Variants in CCDC148 observed in about 807,000 individuals in gnomAD.
CCDC148 encodes the protein coiled-coil domain containing 148, also known as coiled-coil domain-containing protein 148.
Under a neutral mutation model 85.7 loss-of-function variants are expected in CCDC148, and 89 were observed. The observed-to-expected ratio is 1.04, with a 90% CI of 0.87 to 1.24. The LOEUF is 1.24. Ranked by LOEUF, CCDC148 falls within the 50% of genes most tolerant of loss-of-function variation. The pLI is 0.00. For synonymous variants in CCDC148, 230 were observed against 213.9 expected (o/e 1.08, Z -0.66); for missense variants, 692 against 671.7 (o/e 1.03, Z -0.33).
chr2:158,337,581 T>TA (rs775078648), intron 7 of CCDC148, among the ~76,000 whole-genome samples: 1 of 152,118 alleles, frequency 6.6e-6, no homozygotes, highest in Non-Finnish European at 1.5e-5. Context: ...TTCTCAGCTT[T>TA]ACTGCAAGAT....
At chr2:158,267,987 C>T (rs893018101) in intron 9 of CCDC148, among the ~76,000 whole-genome samples, 1 of 152,128 alleles carries the variant, frequency 6.6e-6, no homozygotes, top group Non-Finnish European at 1.5e-5. Flanking sequence ...ATTGTTTATA[C>T]ATTCATTAGT....
intron 9 of CCDC148, among the ~76,000 whole-genome samples, chr2:158,280,386 C>G (rs1690217549): frequency 6.6e-6 from 1 of 152,076 alleles, no homozygotes. Flanking sequence ...AAACCCATCT[C>G]ACATGCAGAG....
chr2:158,438,008 A>G (rs1340335619), intron 1 of CCDC148, among the ~76,000 whole-genome samples: 3 of 152,232 alleles, frequency 2.0e-5, no homozygotes, highest in Non-Finnish European at 2.9e-5. Flanking sequence ...TTCCATGCCC[A>G]TGGGTAGGAA....
chr2:158,357,045 C>T (rs2105265066), intron 2 of CCDC148, among the ~76,000 whole-genome samples: 1 of 144,678 alleles, frequency 6.9e-6, no homozygotes, highest in East Asian at 2.1e-4. Flanking sequence ...ATCACATGGA[C>T]ACAGGAACGG....
intron 9 of CCDC148, among the ~76,000 whole-genome samples, chr2:158,290,392 C>T (rs1690832835): frequency 6.6e-6 from 1 of 152,168 alleles, no homozygotes; most frequent in South Asian, 2.1e-4. Context: ...ATTATCATGC[C>T]TACAGTTCGA....
intron 1 of CCDC148, chr2:158,447,438 C>T (rs1198418688): frequency 6.6e-6 from 1 of 152,234 alleles, no homozygotes; most frequent in Non-Finnish European, 1.5e-5. Context: ...GCTGGGTCTA[C>T]ATGCATGCAA....
chr2:158,391,979 A>G (rs540309380), intron 1 of CCDC148, among the ~76,000 whole-genome samples: 25 of 152,234 alleles, frequency 1.6e-4, no homozygotes, highest in Non-Finnish European at 2.9e-4. Flanking sequence ...ATTCTCCCCA[A>G]CTGGCAGTAT....
chr2:158,386,844 C>G (rs1483572035), intron 1 of CCDC148, among the ~76,000 whole-genome samples: 1 of 152,098 alleles, frequency 6.6e-6, no homozygotes, highest in Non-Finnish European at 1.5e-5. Flanking sequence ...ACAATTCAAT[C>G]TGCATTCACC....
intron 11 of CCDC148, among the ~76,000 whole-genome samples, chr2:158,210,700 T>C (rs1313150414): frequency 6.7e-6 from 1 of 149,830 alleles, no homozygotes; most frequent in East Asian, 2.0e-4. Context: ...TCCCAGCACT[T>C]TGGGAGGCCG....
intron 1 of CCDC148, among the ~76,000 whole-genome samples, chr2:158,417,372 C>T (rs545756296): frequency 6.6e-6 from 1 of 152,366 alleles, no homozygotes; most frequent in South Asian, 2.1e-4. Context: ...AGGAGCTGAG[C>T]TGATGGACAG....
In CCDC148 at chr2:158,424,935, A is replaced by C. The variant is rs11888927; in HGVS notation, c.25+31480T>G. On this transcript the variant is annotated intron_variant, in intron 1 of 13. Transcript: ENST00000283233. The stretch of plus-strand genomic sequence containing the variant: ...ATTGTTAGACAGCAGATTATTATCA[A>C]ATTGGTTCTGGGAAGTGTTAAATCA... 516 of 290,456 alleles carry C rather than the reference A, an allele frequency of 1.8e-3. 5 individuals are homozygous for C. The highest frequency in any genetic ancestry group is 0.011 in the African/African-American group (493 of 45,878). 18.0% of individuals were successfully genotyped at this position (290,456 alleles called of 1,614,324 possible). A position where few individuals can be genotyped will look rare whatever the true frequency, so the allele number is the denominator to read the frequency against.
intron 7 of CCDC148, among the ~76,000 whole-genome samples, chr2:158,329,728 C>A (rs1190335717): frequency 1.3e-5 from 2 of 152,138 alleles, no homozygotes; most frequent in East Asian, 1.9e-4. Context: ...TCCTTCACGT[C>A]CCTTGTAAGT....
At chr2:158,356,766 A>C (rs1190110909) in intron 2 of CCDC148, among the ~76,000 whole-genome samples, 2 of 144,326 alleles carry the variant, frequency 1.4e-5, no homozygotes, top group Admixed American at 7.0e-5. Flanking sequence ...ATGCTGCTAT[A>C]AAGACACATG....
At chr2:158,260,753 A>G (rs761941300) in intron 9 of CCDC148, among the ~76,000 whole-genome samples, 10 of 151,942 alleles carry the variant, frequency 6.6e-5, no homozygotes, top group Non-Finnish European at 1.3e-4. Context: ...CACGAATGCA[A>G]TCTGATTCAC....
intron 1 of CCDC148, among the ~76,000 whole-genome samples, chr2:158,425,467 GTTCT>G (rs1357532313): frequency 2.6e-5 from 4 of 151,818 alleles, no homozygotes; most frequent in Admixed American, 6.6e-5. Context: ...GCCAATTCAT[GTTCT>G]TTGTTTTTAC....
At chr2:158,224,883 A>G (rs1687414919) in intron 10 of CCDC148, among the ~76,000 whole-genome samples, 1 of 152,122 alleles carries the variant, frequency 6.6e-6, no homozygotes, top group African/African-American at 2.4e-5. Context: ...GGCTAGGAAG[A>G]AACTGCATCA....
chr2:158,275,320 G>A (rs1422404388), intron 9 of CCDC148, among the ~76,000 whole-genome samples: 1 of 152,138 alleles, frequency 6.6e-6, no homozygotes, highest in Non-Finnish European at 1.5e-5. Flanking sequence ...CTGATGACAG[G>A]AAAATATATG....
chr2:158,191,309 A>G (rs1685412619), intron 11 of CCDC148, among the ~76,000 whole-genome samples: 1 of 152,058 alleles, frequency 6.6e-6, no homozygotes, highest in African/African-American at 2.4e-5. Context: ...TTCTGTAGAA[A>G]GCAAACATCA....
chr2:158,190,212 C>T lies in CCDC148; in HGVS notation c.1371-11216G>A, dbSNP rs373534941. Among the ~76,000 whole-genome samples, 13 of 151,930 alleles carry T rather than the reference C, an allele frequency of 8.6e-5. No individual in the cohort carries two copies. The South Asian group carries it at 1.9e-3, about 22-fold the overall frequency. ...CAAACTGAGGCATGACATCCACGAC[C>T]ATGATACAGACTTGCTAGGATCATG... On this transcript the variant is annotated intron_variant, in intron 11 of 13. Transcript: ENST00000283233.
Sources: gnomAD v4.1 joint callset for allele counts (sites outside exome capture counted in the v4.1 genomes callset) on GRCh38, gnomAD v4.1.1 for gene constraint, MANE v1.5 for transcripts, NCBI Gene and HGNC (gene_info 2026-07-23, HGNC 2026-07-21) for gene names.